Variants in PUDP observed in about 807,000 individuals in gnomAD.
PUDP encodes the protein pseudouridine 5'-phosphatase, also known as pseudouridine-5'-phosphatase.
PUDP carries 8 observed loss-of-function variants against 9.4 expected under a neutral mutation model. The ratio of observed to expected loss-of-function variants is 0.85; its 90% CI spans 0.50 to 1.53. The LOEUF is 1.53. Among genes scored for constraint, PUDP ranks in the 40% most tolerant of loss-of-function variants. The probability of loss-of-function intolerance (pLI) is 0.00; values close to 1 mark genes in which losing one functional copy is unlikely to be tolerated. For synonymous variants in PUDP, 99 were observed against 80.7 expected (o/e 1.23, Z -1.22); for missense variants, 188 against 189.7 (o/e 0.99, Z 0.05).
chrX:6,747,580 T>C (rs779578664), intron 3 of PUDP, among the ~76,000 whole-genome samples: 1 of 112,212 alleles, frequency 8.9e-6, no homozygotes, highest in African/African-American at 3.2e-5. Context: ...GAAAGGTATA[T>C]TTAAATATCA....
At chrX:6,992,902 C>T in intron 1 of PUDP, among the ~76,000 whole-genome samples, 1 of 111,715 alleles carries the variant, frequency 9.0e-6, no homozygotes, top group Non-Finnish European at 1.9e-5. Flanking sequence ...CATGGAAAAA[C>T]TAGACTGGAT....
At chrX:6,779,305 C>T in intron 3 of PUDP, among the ~76,000 whole-genome samples, 1 of 111,761 alleles carries the variant, frequency 8.9e-6, no homozygotes, top group Non-Finnish European at 1.9e-5. Context: ...CAAAAGAAGA[C>T]CTGTGCTGTG....
chrX:7,014,565 A>G (rs1054936968), intron 1 of PUDP, among the ~76,000 whole-genome samples: 1 of 111,476 alleles, frequency 9.0e-6, no homozygotes, highest in Non-Finnish European at 1.9e-5. Flanking sequence ...ATCGAATACT[A>G]TCTCTCAGTC....
At chrX:7,020,112 G>A (rs1929610757) in intron 1 of PUDP, among the ~76,000 whole-genome samples, 1 of 110,323 alleles carries the variant, frequency 9.1e-6, no homozygotes, top group Admixed American at 9.6e-5. Context: ...GTGGGAATAT[G>A]AGCTTAAGAG....
chrX:6,741,694 C>T (rs973892382), intron 3 of PUDP, among the ~76,000 whole-genome samples: 2 of 111,040 alleles, frequency 1.8e-5, no homozygotes, highest in African/African-American at 3.3e-5. Flanking sequence ...TTTCATGATA[C>T]ATCCTGGAAA....
chrX:7,021,584 A>G (rs1158221724), intron 1 of PUDP, among the ~76,000 whole-genome samples: 1 of 112,418 alleles, frequency 8.9e-6, no homozygotes, highest in Non-Finnish European at 1.9e-5. Context: ...AACTATGCAC[A>G]TGAAACTTTT....
At chrX:6,929,007 G>A (rs183702719) in intron 3 of PUDP, among the ~76,000 whole-genome samples, 31 of 112,108 alleles carry the variant, frequency 2.8e-4, no homozygotes, top group Admixed American at 2.3e-3. Context: ...CATGGTCCTA[G>A]AAAAACATGA....
chrX:6,766,395 A>G (rs1271047600), intron 3 of PUDP, among the ~76,000 whole-genome samples: 1 of 111,931 alleles, frequency 8.9e-6, no homozygotes, highest in Non-Finnish European at 1.9e-5. Flanking sequence ...AAATTAGAAC[A>G]TTTGTTTGAT....
chrX:6,745,599 G>T, intron 3 of PUDP, among the ~76,000 whole-genome samples: 1 of 111,610 alleles, frequency 9.0e-6, no homozygotes, highest in South Asian at 3.8e-4. Flanking sequence ...TTCAAAATAT[G>T]TTATACAACA....
At chrX:6,767,165 CAGTGGAATTATTT>C (rs773005930) in intron 3 of PUDP, among the ~76,000 whole-genome samples, 2 of 113,050 alleles carry the variant, frequency 1.8e-5, no homozygotes, top group South Asian at 7.2e-4. Flanking sequence ...CCTTGTAAGG[CAGTGGAATTATTT>C]AGTGGAATTA....
chrX:7,077,160 G>A (rs1930932391), intron 3 of PUDP, 60 bp downstream of exon 3: 2 of 1,154,984 alleles, frequency 1.7e-6, no homozygotes, highest in African/African-American at 3.6e-5. Flanking sequence ...AACACTACAT[G>A]GATATTATTT....
intron 3 of PUDP, among the ~76,000 whole-genome samples, chrX:6,967,810 C>G (rs941802820): frequency 9.8e-5 from 11 of 111,822 alleles, no homozygotes; most frequent in African/African-American, 3.6e-4. Context: ...TTAACTTTCC[C>G]TCTGCCTTTC....
At chrX:6,729,726 G>A (rs1056203572) in intron 3 of PUDP, among the ~76,000 whole-genome samples, 3 of 110,497 alleles carry the variant, frequency 2.7e-5, no homozygotes, top group Non-Finnish European at 3.8e-5. Flanking sequence ...GCCCGGACAC[G>A]CCACAGTACC....
At chrX:6,838,422 G>C (rs983837304) in intron 3 of PUDP, among the ~76,000 whole-genome samples, 1 of 112,265 alleles carries the variant, frequency 8.9e-6, no homozygotes, top group African/African-American at 3.2e-5. Context: ...GAGAGACTTA[G>C]GCTAGAGTCA....
chrX:7,046,550 T>C (rs762347046), downstream of PUDP, among the ~76,000 whole-genome samples: 1 of 113,056 alleles, frequency 8.8e-6, no homozygotes, highest in East Asian at 2.8e-4. Context: ...TTTACCACTA[T>C]GTACAGTATT....
chrX:7,137,247 A>C (rs1374092073), intron 1 of PUDP, among the ~76,000 whole-genome samples: 9 of 107,574 alleles, frequency 8.4e-5, no homozygotes, highest in Admixed American at 2.0e-4. Context: ...ATCTCAAAAA[A>C]AAAAAATAAA....
intron 3 of PUDP, among the ~76,000 whole-genome samples, chrX:6,806,706 G>A (rs983221288): frequency 9.0e-6 from 1 of 111,510 alleles, no homozygotes; most frequent in African/African-American, 3.3e-5. Flanking sequence ...CTGACTTCCA[G>A]GAAGCATGAG....
chrX:6,944,085 T>C (rs560836676), intron 3 of PUDP, among the ~76,000 whole-genome samples: 22 of 111,848 alleles, frequency 2.0e-4, no homozygotes, highest in Non-Finnish European at 4.0e-4. Context: ...TCTTGAACTG[T>C]AGTCCCCATG....
rs369835687 is a variant in PUDP, at chrX:7,034,500, A to G, written c.204+42720T>C. Among the ~76,000 whole-genome samples the G allele has an allele frequency of 5.2e-4, 58 of 112,244 alleles. 3 individuals are homozygous for G. The East Asian group carries it at 0.015, about 29-fold the overall frequency. On this transcript the variant is annotated intron_variant and NMD_transcript_variant, in intron 1 of 3. Transcript: ENST00000655425. ...CATTTCTGGCCTGGAATGTCAAGAC[A>G]TACATCTCTTAGAGATTTAGTTCTA...
Sources: gnomAD v4.1 joint callset for allele counts (sites outside exome capture counted in the v4.1 genomes callset) on GRCh38, gnomAD v4.1.1 for gene constraint, MANE v1.5 for transcripts, NCBI Gene and HGNC (gene_info 2026-07-23, HGNC 2026-07-21) for gene names.